Variants in NRXN3 observed in about 807,000 individuals in gnomAD.
The protein encoded by NRXN3 is neurexin III.
A neutral mutation model predicts 137.6 loss-of-function variants in NRXN3; 32 were observed. The ratio of observed to expected loss-of-function variants is 0.23; its 90% CI spans 0.18 to 0.31. The LOEUF is 0.31. Ranked by LOEUF, NRXN3 falls within the 10% of genes least tolerant of loss-of-function variation. The pLI is 1.00. For synonymous variants in NRXN3, 798 were observed against 784.5 expected (o/e 1.02, Z -0.29); for missense variants, 1,574 against 2,062.5 (o/e 0.76, Z 4.59).
At chr14:79,763,011 C>T (rs2099043890) in intron 19 of NRXN3, among the ~76,000 whole-genome samples, 1 of 151,378 alleles carries the variant, frequency 6.6e-6, no homozygotes, top group African/African-American at 2.5e-5. Context: ...AATGCTATCC[C>T]TCCCCTAGCC....
intron 16 of NRXN3, among the ~76,000 whole-genome samples, chr14:79,490,732 A>T (rs946335945): frequency 6.6e-6 from 1 of 152,186 alleles, no homozygotes; most frequent in East Asian, 1.9e-4. Context: ...AAATAGAAGG[A>T]ATGAATAAAA....
chr14:79,316,635 C>T (rs1372989221), intron 15 of NRXN3, among the ~76,000 whole-genome samples: 1 of 151,658 alleles, frequency 6.6e-6, no homozygotes, highest in African/African-American at 2.4e-5. Flanking sequence ...GACAACTTGC[C>T]CTGCATATTG....
At chr14:78,805,421 G>A (rs1229552137) in intron 9 of NRXN3, among the ~76,000 whole-genome samples, 2 of 151,742 alleles carry the variant, frequency 1.3e-5, no homozygotes, top group African/African-American at 2.4e-5. Flanking sequence ...CAAAGCCTGC[G>A]GCCCGCATAG....
intron 10 of NRXN3, among the ~76,000 whole-genome samples, chr14:78,893,767 T>A (rs949248875): frequency 6.6e-6 from 1 of 151,898 alleles, no homozygotes; most frequent in Non-Finnish European, 1.5e-5. Context: ...CTTTATTCAG[T>A]CTAGTATAAA....
chr14:78,366,295 A>T (rs1469957677), intron 4 of NRXN3, among the ~76,000 whole-genome samples: 1 of 152,182 alleles, frequency 6.6e-6, no homozygotes, highest in Non-Finnish European at 1.5e-5. Flanking sequence ...TGTCCAACTG[A>T]GGTAGCTCTG....
intron 17 of NRXN3, among the ~76,000 whole-genome samples, chr14:79,667,078 A>C (rs2098563138): frequency 6.6e-6 from 1 of 152,062 alleles, no homozygotes; most frequent in Non-Finnish European, 1.5e-5. Flanking sequence ...AACTATTAAT[A>C]ATTTAAAGTA....
At chr14:79,768,575 T>A (rs1035391077) in intron 19 of NRXN3, among the ~76,000 whole-genome samples, 4 of 152,158 alleles carry the variant, frequency 2.6e-5, no homozygotes, top group Non-Finnish European at 5.9e-5. Context: ...GTCTGTTAGA[T>A]GGAAAACTAA....
chr14:79,789,444 G>C (rs149175608), intron 19 of NRXN3, among the ~76,000 whole-genome samples: 1 of 152,164 alleles, frequency 6.6e-6, no homozygotes, highest in African/African-American at 2.4e-5. Context: ...GAGTTCACAG[G>C]GTACAGTGAA....
intron 4 of NRXN3, among the ~76,000 whole-genome samples, chr14:78,383,911 CT>C: frequency 6.6e-6 from 1 of 152,250 alleles, no homozygotes; most frequent in Non-Finnish European, 1.5e-5. Context: ...GTAGCAGTAC[CT>C]TTTTCCCAAC....
chr14:79,803,244 T>G (rs139011070), intron 19 of NRXN3, among the ~76,000 whole-genome samples: 2 of 152,206 alleles, frequency 1.3e-5, no homozygotes, highest in African/African-American at 4.8e-5. Context: ...GGATGTCTAT[T>G]TAAAAAAAGG....
intron 3 of NRXN3, among the ~76,000 whole-genome samples, chr14:78,293,877 G>A (rs536514491): frequency 2.4e-4 from 37 of 151,572 alleles, no homozygotes; most frequent in African/African-American, 8.4e-4. Flanking sequence ...ATGCTGTTAC[G>A]TCTCAACCAT....
At chr14:78,852,740 T>C (rs1430308825) in intron 10 of NRXN3, among the ~76,000 whole-genome samples, 1 of 152,176 alleles carries the variant, frequency 6.6e-6, no homozygotes, top group African/African-American at 2.4e-5. Flanking sequence ...AAATAATAAG[T>C]TAATGAATCT....
At chr14:78,844,245 G>C (rs1410395465) in intron 10 of NRXN3, among the ~76,000 whole-genome samples, 1 of 152,026 alleles carries the variant, frequency 6.6e-6, no homozygotes, top group African/African-American at 2.4e-5. Context: ...ACATGTGATT[G>C]CATTTAGAAC....
intron 4 of NRXN3, among the ~76,000 whole-genome samples, chr14:78,598,968 T>C (rs1409590491): frequency 1.3e-5 from 2 of 152,216 alleles, no homozygotes; most frequent in African/African-American, 4.8e-5. Flanking sequence ...ATTGTTGATG[T>C]TGGGCTCAGG....
intron 19 of NRXN3, among the ~76,000 whole-genome samples, chr14:79,756,671 AC>A (rs935127570): frequency 6.6e-6 from 1 of 152,140 alleles, no homozygotes; most frequent in African/African-American, 2.4e-5. Flanking sequence ...ACTTTCTTAT[AC>A]CAGTCAAATT....
At chr14:78,976,644 AG>A (rs2099467645) in intron 14 of NRXN3, among the ~76,000 whole-genome samples, 1 of 152,180 alleles carries the variant, frequency 6.6e-6, no homozygotes, top group African/African-American at 2.4e-5. Flanking sequence ...ACCTACTATA[AG>A]TTCCTCAAAA....
At position 78,807,912 on chromosome 14, in the gene NRXN3, G is replaced by A. The variant is rs74544935; in HGVS notation, c.2249-2406G>A. Among the ~76,000 whole-genome samples the A allele has an allele frequency of 0.017, 2,526 of 152,012 alleles. 128 individuals carry two copies. The East Asian group carries it at 0.2, about 12-fold the overall frequency. On this transcript the variant is annotated intron_variant, in intron 9 of 20. Coordinates refer to ENST00000335750, the MANE Select transcript of NRXN3 (RefSeq NM_001330195.2). ...TAGGCAGACTTTTTTCAAGCAAAAA[G>A]TCTGGCTGCTACCAAACGTAGATTT...
intron 19 of NRXN3, among the ~76,000 whole-genome samples, chr14:79,751,785 C>T (rs1368893027): frequency 2.7e-4 from 40 of 145,914 alleles, no homozygotes; most frequent in African/African-American, 7.5e-4. Context: ...GCATGAAGGG[C>T]TGTTGAATTT....
At chr14:78,221,183 G>C (rs2063812109) in intron 1 of NRXN3, among the ~76,000 whole-genome samples, 1 of 152,144 alleles carries the variant, frequency 6.6e-6, no homozygotes, top group African/African-American at 2.4e-5. Flanking sequence ...TTCTAGGTAA[G>C]AAGTGAAGAG....
Sources: gnomAD v4.1 joint callset for allele counts (sites outside exome capture counted in the v4.1 genomes callset) on GRCh38, gnomAD v4.1.1 for gene constraint, MANE v1.5 for transcripts, NCBI Gene and HGNC (gene_info 2026-07-23, HGNC 2026-07-21) for gene names.